SCAP: variants seen among roughly 807,000 people sequenced by gnomAD.
SCAP encodes sterol regulatory element-binding protein cleavage-activating protein.
Under a neutral mutation model 123.6 loss-of-function variants are expected in SCAP, and 65 were observed. The observed-to-expected ratio is 0.53, with a 90% CI of 0.43 to 0.65. The LOEUF (loss-of-function observed/expected upper bound fraction) is 0.65, where lower values mean the gene tolerates loss of function less well. SCAP is among the 30% of genes least tolerant of loss of function. The pLI is 0.00. For missense variants in SCAP, 1,398 were observed against 1,712.5 expected (o/e 0.82, Z 3.24); for synonymous variants, 740 against 726.3 (o/e 1.02, Z -0.30).
Position 47,415,174 on chromosome 3 carries a change from C to T in SCAP, c.3063G>A (p.Val1021=). 6.2e-7 allele frequency: 1 copy of T among 1,610,972 alleles called. No individual in the cohort carries two copies. The highest frequency in any genetic ancestry group is 8.5e-7 in the Non-Finnish European group (1 of 1,179,066). Residue 1021 remains valine, a synonymous_variant, in exon 19 of 23, where the codon GTG becomes GTA. Transcript: ENST00000265565. ...TALVFLDKRI[V]AARLNGSLDF... ...CAAGGGAACCGTTGAGCCGTGCAGC[C>T]ACAATCCTGGAAGAGAAGAACAGCT...
chr3:47,455,830 A>G (rs979531180), intron 1 of SCAP, among the ~76,000 whole-genome samples: 3 of 152,192 alleles, frequency 2.0e-5, no homozygotes, highest in African/African-American at 4.8e-5. Flanking sequence ...AATATAACCA[A>G]GAAAGTTCTG....
At chr3:47,448,002 CAAAAAAAAA>C (rs35075035) in intron 1 of SCAP, among the ~76,000 whole-genome samples, 4 of 66,322 alleles carry the variant, frequency 6.0e-5, no homozygotes, top group South Asian at 8.2e-4. Context: ...GACTCCGTCT[CAAAAAAAAA>C]AAAAAAAAAA....
At chr3:47,423,802 A>G in intron 9 of SCAP, 131 bp downstream of exon 9, 1 of 684,848 alleles carries the variant, frequency 1.5e-6, no homozygotes. Context: ...GGCCCACTGC[A>G]TATTATGCCG....
At chr3:47,432,351 A>G (rs998260788) in intron 3 of SCAP, among the ~76,000 whole-genome samples, 2 of 151,690 alleles carry the variant, frequency 1.3e-5, no homozygotes, top group African/African-American at 2.4e-5. Context: ...AAAGGAAAAA[A>G]AAAAAGAAAA....
intron 1 of SCAP, among the ~76,000 whole-genome samples, chr3:47,455,508 T>G (rs1707386372): frequency 6.9e-6 from 1 of 145,348 alleles, no homozygotes; most frequent in South Asian, 2.1e-4. Context: ...GGCAGGAGAA[T>G]CACTTGAACC....
At chr3:47,418,113 G>A (rs757877568) in intron 16 of SCAP, 21 bp downstream of exon 16, 1 of 1,540,170 alleles carries the variant, frequency 6.5e-7, no homozygotes, top group South Asian at 1.2e-5. Context: ...GCACAAAGGA[G>A]GAAAGGGCAG....
intron 20 of SCAP, 24 bp downstream of exon 20, chr3:47,414,803 C>T: frequency 6.3e-7 from 1 of 1,598,792 alleles, no homozygotes. Flanking sequence ...CACTCCAGCA[C>T]CCAAGAGACA....
At chr3:47,430,261 A>AG (rs55797252) in intron 3 of SCAP, among the ~76,000 whole-genome samples, 3,214 of 152,308 alleles carry the variant, frequency 0.021, 45 homozygotes, top group Non-Finnish European at 0.034. Context: ...ACTCAAACCA[A>AG]GGTCTCCTCA....
At position 47,419,791 on chromosome 3, in the gene SCAP, G is replaced by T; in HGVS notation, c.1564-87C>A. On this transcript the variant is annotated intron_variant, in intron 12 of 22. Coordinates refer to ENST00000265565, the MANE Select transcript of SCAP (RefSeq NM_012235.4). The surrounding 1 kb of genome is among the most constrained non-coding windows in gnomAD (Gnocchi z 5.0). ...CCTCATGCTGAGAGGAAGCAGCACA[G>T]GGACCTCAGGCCTGGGGATGGAGAG... The T allele has an allele frequency of 6.9e-7, 1 of 1,451,744 alleles. No individual in the cohort carries two copies. Among genetic ancestry groups the T allele is most frequent in the Non-Finnish European group, 9.2e-7 (1 of 1,089,132 alleles). 89.9% of individuals were successfully genotyped at this position (1,451,744 alleles called of 1,614,324 possible).
Position 47,417,061 on chromosome 3 carries a change from G to T in SCAP, c.3056+61C>A. 3 of 1,462,880 alleles carry T rather than the reference G, an allele frequency of 2.1e-6. No individual in the cohort carries two copies. In the South Asian group the frequency reaches 3.5e-5, roughly 17 times the overall value. 90.6% of individuals were successfully genotyped at this position (1,462,880 alleles called of 1,614,324 possible). A position where few individuals can be genotyped will look rare whatever the true frequency, so the allele number is the denominator to read the frequency against. ...AAGAGAACCAGAACTCAAGACTCAA[G>T]AGAGTATGGCCTAGCCAACAAAGGC... On this transcript the variant is annotated intron_variant, in intron 18 of 22. Coordinates refer to ENST00000265565, the MANE Select transcript of SCAP (RefSeq NM_012235.4).
At chr3:47,463,840 T>C in intron 1 of SCAP, among the ~76,000 whole-genome samples, 1 of 151,942 alleles carries the variant, frequency 6.6e-6, no homozygotes. Context: ...AGTTTTTTGG[T>C]TTTTTGTTTT....
chr3:47,418,223 G>T lies in SCAP; in HGVS notation c.2358C>A (p.Gly786=). The change falls in exon 16 of 23, where the codon GGC becomes GGA. Residue 786 remains glycine (G), a synonymous_variant. Coordinates refer to ENST00000265565, the MANE Select transcript of SCAP (RefSeq NM_012235.4). ...CCAGGCAGCAGCTCACCAGCAGCATGCCGTCGCTGGCCAGGCACTCGATGT... is the reference window on the plus strand; with the variant it reads ...CCAGGCAGCAGCTCACCAGCAGCATTCCGTCGCTGGCCAGGCACTCGATGT... ...LMDIECLASD[G]MLLVSCCLAG... The T allele has an allele frequency of 6.4e-7, 1 of 1,569,556 alleles. No homozygotes were observed. Among genetic ancestry groups the T allele is most frequent in the Non-Finnish European group, 8.6e-7 (1 of 1,157,912 alleles).
intron 1 of SCAP, among the ~76,000 whole-genome samples, chr3:47,452,174 C>A (rs1299858458): frequency 1.6e-4 from 24 of 152,230 alleles, no homozygotes; most frequent in Non-Finnish European, 1.3e-4. Context: ...GGTTTACTAT[C>A]TGTCCTCTGT....
rs1327140346 is a variant in SCAP at position 47,419,812 on chromosome 3, G to A, written c.1564-108C>T. ...CACAGGGACCTCAGGCCTGGGGATG[G>A]AGAGAGGACACAGGCCCCACTGCGT... On this transcript the variant is annotated intron_variant, in intron 12 of 22. Transcript: ENST00000265565. This position sits in a 1 kb window ranked among gnomAD's most constrained non-coding sequence, Gnocchi z 5.0. 7.6e-5 allele frequency: 101 copies of A among 1,324,820 alleles called. No individual in the cohort carries two copies. The highest frequency in any genetic ancestry group is 9.7e-5 in the Non-Finnish European group (96 of 987,998). The allele number at this position is 1,324,820 out of a possible 1,614,324, so 82.1% of individuals were successfully genotyped here. A position where few individuals can be genotyped will look rare whatever the true frequency, so the allele number is the denominator to read the frequency against.
At chr3:47,440,033 C>G (rs1370928432) in intron 2 of SCAP, among the ~76,000 whole-genome samples, 1 of 152,198 alleles carries the variant, frequency 6.6e-6, no homozygotes, top group African/African-American at 2.4e-5. Flanking sequence ...CAGTACTGCT[C>G]TGTACTTTCC....
chr3:47,471,095 G>T (rs1456459936), intron 1 of SCAP, among the ~76,000 whole-genome samples: 2 of 152,062 alleles, frequency 1.3e-5, no homozygotes, highest in Non-Finnish European at 2.9e-5. Flanking sequence ...ATGTATATTT[G>T]AGTTTTACTA....
intron 1 of SCAP, among the ~76,000 whole-genome samples, chr3:47,474,062 G>A (rs1294376896): frequency 6.6e-6 from 1 of 152,032 alleles, no homozygotes; most frequent in African/African-American, 2.4e-5. Flanking sequence ...TCAGGAGATA[G>A]AGACGATCCT....
chr3:47,422,900 G>A (rs1009677275), intron 9 of SCAP: 3 of 184,656 alleles, frequency 1.6e-5, no homozygotes, highest in African/African-American at 2.3e-5. Flanking sequence ...TGGTCTGCAC[G>A]GGCCAGCATG....
At chr3:47,468,828 T>G (rs1265262971) in intron 1 of SCAP, among the ~76,000 whole-genome samples, 1 of 152,224 alleles carries the variant, frequency 6.6e-6, no homozygotes, top group Non-Finnish European at 1.5e-5. Context: ...GCCTAGGTTT[T>G]CTTCTAGGGT....
Sources: gnomAD v4.1 joint callset for allele counts (sites outside exome capture counted in the v4.1 genomes callset) on GRCh38, gnomAD v4.1.1 for gene constraint, Gnocchi (gnomAD v3.1) non-coding constraint, MANE v1.5 for transcripts, NCBI Gene and HGNC (gene_info 2026-07-23, HGNC 2026-07-21) for gene names.